Variants in ERC2 observed in about 807,000 individuals in gnomAD.
ERC2 encodes ELKS/RAB6-interacting/CAST family member 2, also known as ERC protein 2.
Under a neutral mutation model 114.8 loss-of-function variants are expected in ERC2, and 42 were observed. The ratio of observed to expected loss-of-function variants is 0.37; its 90% CI spans 0.29 to 0.47. The LOEUF (loss-of-function observed/expected upper bound fraction) is 0.47, where lower values mean the gene tolerates loss of function less well. Among genes scored for constraint, ERC2 ranks in the 20% least tolerant of loss-of-function variants. The probability of loss-of-function intolerance (pLI) is 0.99; values close to 1 mark genes in which losing one functional copy is unlikely to be tolerated. For missense variants in ERC2, 939 were observed against 1,150.7 expected, an observed-to-expected ratio of 0.82 and a Z score of 2.66; for synonymous variants, 454 against 425.5, an observed-to-expected ratio of 1.07 and a Z score of -0.82.
At chr3:55,605,001 C>T (rs954912560) in intron 17 of ERC2, among the ~76,000 whole-genome samples, 2 of 152,122 alleles carry the variant, frequency 1.3e-5, no homozygotes, top group African/African-American at 4.8e-5. Flanking sequence ...TAAGAAGTCC[C>T]CAGGTGATGC....
chr3:56,073,661 C>G (rs1211090165), intron 7 of ERC2, among the ~76,000 whole-genome samples: 1 of 152,192 alleles, frequency 6.6e-6, no homozygotes, highest in Non-Finnish European at 1.5e-5. Context: ...GCTTCCCAGA[C>G]CGTTTCCACT....
At chr3:55,534,697 G>C (rs557307477) in intron 17 of ERC2, among the ~76,000 whole-genome samples, 5 of 152,182 alleles carry the variant, frequency 3.3e-5, no homozygotes, top group East Asian at 1.9e-4. Flanking sequence ...GTCAAAAAAA[G>C]AGAAGGACCT....
At position 55,652,876 on chromosome 3, in the gene ERC2, A is replaced by C. The variant is rs192660597; in HGVS notation, c.*39+30918T>G. Among the ~76,000 whole-genome samples the C allele has an allele frequency of 2.3e-3, 357 of 151,964 alleles. 2 individuals carry two copies. The highest frequency in any genetic ancestry group is 8.0e-3 in the African/African-American group (333 of 41,438). Reference sequence around the variant, plus strand: ...CTCTGTCTCAAAAAAAAAAAAAAAAAAAAAAAACCAATACATGTTATTGTT... The same window carrying C: ...CTCTGTCTCAAAAAAAAAAAAAAAACAAAAAAACCAATACATGTTATTGTT... On this transcript the variant is annotated intron_variant, in intron 17 of 17. Transcript: ENST00000288221.
At chr3:55,920,403 C>A (rs2065346322) in intron 13 of ERC2, among the ~76,000 whole-genome samples, 1 of 131,786 alleles carries the variant, frequency 7.6e-6, no homozygotes, top group African/African-American at 2.9e-5. Context: ...CACATACACA[C>A]AGGCACACTA....
intron 2 of ERC2, among the ~76,000 whole-genome samples, chr3:56,387,273 G>T (rs1007190044): frequency 6.6e-6 from 1 of 152,092 alleles, no homozygotes; most frequent in Non-Finnish European, 1.5e-5. Flanking sequence ...TGTTATTATT[G>T]TTATAGAGCC....
At chr3:56,332,467 G>A (rs576488567) in intron 2 of ERC2, among the ~76,000 whole-genome samples, 2 of 152,318 alleles carry the variant, frequency 1.3e-5, no homozygotes, top group Non-Finnish European at 2.9e-5. Flanking sequence ...GAGAGGTAAA[G>A]TAATACGCCC....
At chr3:55,857,287 C>G (rs1183634261) in intron 14 of ERC2, among the ~76,000 whole-genome samples, 4 of 152,102 alleles carry the variant, frequency 2.6e-5, no homozygotes, top group Non-Finnish European at 4.4e-5. Flanking sequence ...GATAAGCTGA[C>G]AGTGAAGCAA....
At chr3:56,410,643 T>G (rs569168312) in intron 2 of ERC2, among the ~76,000 whole-genome samples, 188 of 152,314 alleles carry the variant, frequency 1.2e-3, no homozygotes, top group African/African-American at 4.3e-3. Context: ...TTTGTCTGTC[T>G]GCTTTGGTTT....
At chr3:56,203,755 G>A (rs2048539134) in intron 3 of ERC2, among the ~76,000 whole-genome samples, 1 of 152,196 alleles carries the variant, frequency 6.6e-6, no homozygotes, top group African/African-American at 2.4e-5. Context: ...AGTGGACGTG[G>A]GAGGACCATA....
At chr3:56,228,301 A>G (rs2050385203) in intron 3 of ERC2, among the ~76,000 whole-genome samples, 1 of 152,178 alleles carries the variant, frequency 6.6e-6, no homozygotes, top group South Asian at 2.1e-4. Context: ...ACCACCATCC[A>G]TCTCCGGAAC....
chr3:55,842,130 T>C (rs1037774782), intron 14 of ERC2, among the ~76,000 whole-genome samples: 3 of 152,104 alleles, frequency 2.0e-5, no homozygotes, highest in Middle Eastern at 3.2e-3. Context: ...CTGGAGGAAT[T>C]TGAAGCTCAG....
intron 3 of ERC2, among the ~76,000 whole-genome samples, chr3:56,211,951 T>A (rs2049090914): frequency 6.6e-6 from 1 of 152,142 alleles, no homozygotes; most frequent in Non-Finnish European, 1.5e-5. Flanking sequence ...AAAAATCGAC[T>A]CAAGATGGAT....
intron 13 of ERC2, among the ~76,000 whole-genome samples, chr3:55,939,471 A>G (rs1576286053): frequency 6.6e-6 from 1 of 152,220 alleles, no homozygotes; most frequent in Non-Finnish European, 1.5e-5. Flanking sequence ...TGACTGCAGG[A>G]CTTCTCAGAG....
chr3:55,888,615 G>C (rs1055675887), intron 13 of ERC2, 66 bp from the exon 14 acceptor site: 2 of 1,574,442 alleles, frequency 1.3e-6, no homozygotes, highest in African/African-American at 2.7e-5. Flanking sequence ...TCCCTTGTTA[G>C]CCTGTGTTCC....
chr3:55,682,905 C>G (rs1028852452), intron 17 of ERC2, among the ~76,000 whole-genome samples: 1 of 152,170 alleles, frequency 6.6e-6, no homozygotes, highest in African/African-American at 2.4e-5. Context: ...TGTTAAACAG[C>G]CTGCAGTATA....
intron 3 of ERC2, among the ~76,000 whole-genome samples, chr3:56,184,821 G>C (rs574799009): frequency 9.8e-5 from 15 of 152,302 alleles, no homozygotes; most frequent in Non-Finnish European, 2.1e-4. Context: ...TGCTATGAGA[G>C]AGAATGCAAA....
chr3:55,723,980 A>G (rs976091817), intron 15 of ERC2, among the ~76,000 whole-genome samples: 5 of 152,146 alleles, frequency 3.3e-5, no homozygotes, highest in African/African-American at 1.2e-4. Flanking sequence ...TAATTATATG[A>G]TGAGAGGAAG....
chr3:56,185,914 A>C (rs2083572974), intron 3 of ERC2, among the ~76,000 whole-genome samples: 1 of 151,950 alleles, frequency 6.6e-6, no homozygotes, highest in African/African-American at 2.4e-5. Context: ...TCTCAGTGTG[A>C]GAAGGATTTG....
intron 6 of ERC2, among the ~76,000 whole-genome samples, chr3:56,094,833 T>C (rs894050599): frequency 2.0e-5 from 3 of 152,210 alleles, no homozygotes; most frequent in African/African-American, 7.2e-5. Context: ...GATTATTCCA[T>C]TGATAATGAC....
Sources: gnomAD v4.1 joint callset for allele counts (sites outside exome capture counted in the v4.1 genomes callset) on GRCh38, gnomAD v4.1.1 for gene constraint, MANE v1.5 for transcripts, NCBI Gene and HGNC (gene_info 2026-07-23, HGNC 2026-07-21) for gene names.